ASXL3: variants seen among roughly 807,000 people sequenced by gnomAD.
ASXL3 encodes the protein putative Polycomb group protein ASXL3.
ASXL3 carries 34 observed loss-of-function variants against 170.6 expected under a neutral mutation model. The ratio of observed to expected loss-of-function variants is 0.20; its 90% CI spans 0.15 to 0.27. ASXL3 has a LOEUF of 0.27. Ranked by LOEUF, ASXL3 falls within the 10% of genes least tolerant of loss-of-function variation. The pLI, the probability that ASXL3 is intolerant of heterozygous loss-of-function variation, is 1.00. For missense variants in ASXL3, 2,592 were observed against 2,695.3 expected (o/e 0.96, Z 0.85); for synonymous variants, 1,002 against 989.1 (o/e 1.01, Z -0.24).
chr18:33,717,744 G>T (rs2067189076), intron 8 of ASXL3, among the ~76,000 whole-genome samples: 2 of 151,990 alleles, frequency 1.3e-5, no homozygotes, highest in Admixed American at 6.6e-5. Flanking sequence ...TTTTGTTTTG[G>T]TTTGGTTTAG....
intron 2 of ASXL3, among the ~76,000 whole-genome samples, chr18:33,621,462 A>C (rs114208762): frequency 6.6e-6 from 1 of 152,190 alleles, no homozygotes; most frequent in Non-Finnish European, 1.5e-5. Flanking sequence ...TTTTGCACCT[A>C]CCTAATAGTA....
chr18:33,694,907 T>C (rs762326411), intron 8 of ASXL3, among the ~76,000 whole-genome samples: 3 of 152,180 alleles, frequency 2.0e-5, no homozygotes, highest in Non-Finnish European at 4.4e-5. Context: ...TCAGACATTT[T>C]ACAGCACAGG....
At chr18:33,633,235 T>C (rs757070438) in intron 2 of ASXL3, among the ~76,000 whole-genome samples, 1 of 152,212 alleles carries the variant, frequency 6.6e-6, no homozygotes, top group Non-Finnish European at 1.5e-5. Context: ...TACAATCTTT[T>C]TATTTATTGT....
At chr18:33,589,353 C>T (rs752965973) in intron 1 of ASXL3, among the ~76,000 whole-genome samples, 15 of 152,146 alleles carry the variant, frequency 9.9e-5, no homozygotes, top group Non-Finnish European at 1.8e-4. Context: ...CCTGCAACAA[C>T]TTTGTAATTT....
intron 8 of ASXL3, among the ~76,000 whole-genome samples, chr18:33,718,441 C>T (rs924359153): frequency 7.2e-5 from 11 of 152,090 alleles, no homozygotes; most frequent in Non-Finnish European, 1.3e-4. Flanking sequence ...AAGTAGCATG[C>T]AGTTATTATC....
chr18:33,679,072 A>C (rs1026400114), intron 7 of ASXL3, among the ~76,000 whole-genome samples: 53 of 152,188 alleles, frequency 3.5e-4, no homozygotes, highest in African/African-American at 1.2e-3. Context: ...TTTCGGAAGT[A>C]GAAAATAAAA....
intron 5 of ASXL3, among the ~76,000 whole-genome samples, chr18:33,664,570 A>G (rs558914192): frequency 6.6e-6 from 1 of 152,306 alleles, no homozygotes; most frequent in African/African-American, 2.4e-5. Context: ...AGAAATAAGT[A>G]GATTTAAAAA....
chr18:33,740,564 A>G, intron 11 of ASXL3, 121 bp downstream of exon 11: 1 of 970,090 alleles, frequency 1.0e-6, no homozygotes, highest in Admixed American at 3.1e-5. Context: ...TTTATAATCT[A>G]ATCCTCTAAT....
chr18:33,628,461 CT>C (rs1342706904), intron 2 of ASXL3, among the ~76,000 whole-genome samples: 1 of 152,082 alleles, frequency 6.6e-6, no homozygotes, highest in Non-Finnish European at 1.5e-5. Flanking sequence ...TTTCCTCACA[CT>C]TAGTTTGAAA....
chr18:33,608,584 G>A (rs2065285484), intron 2 of ASXL3, among the ~76,000 whole-genome samples: 1 of 151,892 alleles, frequency 6.6e-6, no homozygotes, highest in African/African-American at 2.4e-5. Context: ...GGAGAAAAAG[G>A]TTTACTATAG....
intron 2 of ASXL3, among the ~76,000 whole-genome samples, chr18:33,610,019 A>C (rs1048840591): frequency 1.8e-4 from 27 of 151,824 alleles, no homozygotes; most frequent in Admixed American, 1.2e-3. Context: ...TATTTGAGTC[A>C]CCTCTAAAAT....
intron 3 of ASXL3, 24 bp downstream of exon 3, chr18:33,645,026 T>C: frequency 7.0e-7 from 1 of 1,429,188 alleles, no homozygotes; most frequent in Non-Finnish European, 9.5e-7. Flanking sequence ...TTCTGCATAT[T>C]GTTATTACTA....
chr18:33,665,460 C>A (rs2066242466), intron 5 of ASXL3, among the ~76,000 whole-genome samples: 1 of 152,180 alleles, frequency 6.6e-6, no homozygotes, highest in African/African-American at 2.4e-5. Context: ...CTGAAACAGC[C>A]CGCTGTTTTC....
At chr18:33,618,035 A>G (rs2065454434) in intron 2 of ASXL3, among the ~76,000 whole-genome samples, 1 of 152,204 alleles carries the variant, frequency 6.6e-6, no homozygotes, top group Admixed American at 6.5e-5. Context: ...ACTTGACAAC[A>G]TAATTCAAAT....
At chr18:33,581,212 T>A (rs2064989047) in intron 1 of ASXL3, among the ~76,000 whole-genome samples, 1 of 152,196 alleles carries the variant, frequency 6.6e-6, no homozygotes, top group African/African-American at 2.4e-5. Flanking sequence ...AGCATTTCTG[T>A]GATATAGATA....
At chr18:33,596,709 TC>T in intron 1 of ASXL3, among the ~76,000 whole-genome samples, 1 of 152,350 alleles carries the variant, frequency 6.6e-6, no homozygotes, top group African/African-American at 2.4e-5. Context: ...TTTATTTTCT[TC>T]ACTATGATTA....
chr18:33,685,125 T>A (rs1207300562), intron 8 of ASXL3, among the ~76,000 whole-genome samples: 4 of 152,188 alleles, frequency 2.6e-5, no homozygotes, highest in African/African-American at 9.7e-5. Flanking sequence ...GACCATTACT[T>A]TTTAAGGAAA....
chr18:33,664,233 A>G (rs1202804225), intron 5 of ASXL3, among the ~76,000 whole-genome samples: 1 of 152,180 alleles, frequency 6.6e-6, no homozygotes, highest in Non-Finnish European at 1.5e-5. Context: ...CAGCAAGTAA[A>G]TCTTAGAGAT....
chr18:33,683,801 T>C (rs1443283806), intron 8 of ASXL3, among the ~76,000 whole-genome samples: 1 of 152,196 alleles, frequency 6.6e-6, no homozygotes, highest in Non-Finnish European at 1.5e-5. Context: ...GTGAAAACTA[T>C]AAACTTACAT....
Sources: allele counts gnomAD v4.1 joint callset (sites outside exome capture counted in the v4.1 genomes callset), GRCh38; gene constraint gnomAD v4.1.1; transcripts MANE v1.5; gene names NCBI Gene and HGNC (gene_info 2026-07-23, HGNC 2026-07-21).